Variants in NEBL observed in about 807,000 individuals in gnomAD.
NEBL encodes nebulette.
A neutral mutation model predicts 140.2 loss-of-function variants in NEBL; 122 were observed. That is an observed-to-expected ratio of 0.87 (90% CI 0.75 to 1.01). The LOEUF is 1.01. Among genes scored for constraint, NEBL ranks in the 50% least tolerant of loss-of-function variants. The pLI is 0.00. For missense variants in NEBL, 1,365 were observed against 1,231.3 expected (o/e 1.11, Z -1.62); for synonymous variants, 436 against 398.9 (o/e 1.09, Z -1.11).
intron 24 of NEBL, among the ~76,000 whole-genome samples, chr10:20,811,702 A>AATT (rs1367584554): frequency 6.6e-6 from 1 of 152,228 alleles, no homozygotes; most frequent in African/African-American, 2.4e-5. Flanking sequence ...TTATCTCTAA[A>AATT]TGGCCTTTCA....
intron 3 of NEBL, among the ~76,000 whole-genome samples, chr10:20,981,067 G>A (rs1483359770): frequency 6.6e-6 from 1 of 152,028 alleles, no homozygotes; most frequent in African/African-American, 2.4e-5. Flanking sequence ...AGTGATTATA[G>A]GCATAAGCCA....
chr10:21,070,104 G>A (rs1835749137), intron 2 of NEBL: 2 of 406,222 alleles, frequency 4.9e-6, no homozygotes, highest in Non-Finnish European at 9.9e-6. Context: ...ACTAGTAGCT[G>A]CAGGGGGACT....
intron 3 of NEBL, among the ~76,000 whole-genome samples, chr10:21,208,733 G>A (rs981789197): frequency 6.6e-6 from 1 of 152,114 alleles, no homozygotes; most frequent in African/African-American, 2.4e-5. Context: ...AGCAGGCCTG[G>A]AAGTCACATA....
In NEBL at chr10:20,831,224, G is replaced by A; in HGVS notation, c.1643C>T (p.Ala548Val). 1 of 1,613,252 alleles carries A rather than the reference G, an allele frequency of 6.2e-7. No individual in the cohort carries two copies. Among genetic ancestry groups the A allele is most frequent in the South Asian group, 1.1e-5 (1 of 91,078 alleles). Residue 548 changes from alanine (A) to valine (V), a missense_variant, in exon 16 of 28, where the codon GCC (alanine) becomes GTC (valine). By Grantham distance (64) the Ala-to-Val change is moderately conservative. Coordinates refer to ENST00000377122, the MANE Select transcript of NEBL (RefSeq NM_006393.3). ...GCTATAGATTTCAGATGTCCTCTTGGCTCGAAGGATATCTGGGATATCCAT... is the reference window on the plus strand; with the variant it reads ...GCTATAGATTTCAGATGTCCTCTTGACTCGAAGGATATCTGGGATATCCAT... ...VSMDIPDILR[A>V]KRTSEIYSQR...
chr10:20,818,796 C>T (rs565983373), intron 20 of NEBL: 8 of 988,544 alleles, frequency 8.1e-6, no homozygotes, highest in Non-Finnish European at 9.6e-6. Flanking sequence ...TAAGGTACAG[C>T]AACACAGTCC....
At chr10:21,234,629 T>A (rs1427060022) in intron 3 of NEBL, among the ~76,000 whole-genome samples, 2 of 152,168 alleles carry the variant, frequency 1.3e-5, no homozygotes, top group African/African-American at 4.8e-5. Context: ...AGCAGTGACG[T>A]GCTGTTAATC....
chr10:20,823,381 T>C (rs1013691434), intron 18 of NEBL, 81 bp from the exon 19 acceptor site: 12 of 1,002,764 alleles, frequency 1.2e-5, no homozygotes, highest in Non-Finnish European at 1.8e-5. Context: ...ATTGTAACTA[T>C]TGCATAATTG....
chr10:20,918,618 A>T (rs1214584797), intron 4 of NEBL, among the ~76,000 whole-genome samples: 1 of 151,788 alleles, frequency 6.6e-6, no homozygotes, highest in Admixed American at 6.6e-5. Flanking sequence ...TGGGAGGCCG[A>T]CGGGGGCAGA....
intron 3 of NEBL, among the ~76,000 whole-genome samples, chr10:20,999,162 G>GAAAA (rs1221089029): frequency 7.3e-6 from 1 of 136,176 alleles, no homozygotes. Flanking sequence ...TGTGTGGGGG[G>GAAAA]AAAAAAAAAA....
chr10:21,104,629 G>A (rs928825923), intron 2 of NEBL, among the ~76,000 whole-genome samples: 5 of 151,590 alleles, frequency 3.3e-5, no homozygotes, highest in Non-Finnish European at 5.9e-5. Context: ...TTTTTTTTCA[G>A]ATTCCCTACG....
chr10:21,241,459 C>G (rs2132264668), intron 3 of NEBL, among the ~76,000 whole-genome samples: 1 of 152,220 alleles, frequency 6.6e-6, no homozygotes, highest in East Asian at 1.9e-4. Flanking sequence ...TTCAAGCATT[C>G]CCCTAGAGGG....
chr10:20,815,365 G>A (rs971363340), intron 22 of NEBL, among the ~76,000 whole-genome samples: 9 of 152,280 alleles, frequency 5.9e-5, no homozygotes, highest in South Asian at 2.1e-4. Flanking sequence ...ATCATGAATC[G>A]TTGTTTAAAT....
At chr10:20,905,055 A>G (rs905803150) in intron 4 of NEBL, among the ~76,000 whole-genome samples, 3 of 152,234 alleles carry the variant, frequency 2.0e-5, no homozygotes, top group Admixed American at 2.0e-4. Context: ...ACACATTAAA[A>G]TGGGGAAATA....
chr10:20,995,631 C>A (rs1837638076), intron 3 of NEBL, among the ~76,000 whole-genome samples: 1 of 152,184 alleles, frequency 6.6e-6, no homozygotes. Context: ...CTCCCAACTT[C>A]ACTGCTCTAT....
At chr10:20,928,424 G>C (rs1277608739) in intron 4 of NEBL, among the ~76,000 whole-genome samples, 1 of 152,148 alleles carries the variant, frequency 6.6e-6, no homozygotes, top group South Asian at 2.1e-4. Flanking sequence ...GGCACCACAA[G>C]AGAACTCAGA....
chr10:21,264,401 A>G (rs907205755), intron 1 of NEBL, among the ~76,000 whole-genome samples: 35 of 152,140 alleles, frequency 2.3e-4, no homozygotes, highest in African/African-American at 8.4e-4. Context: ...TGCCTCAGGA[A>G]TGAACTGGGT....
At chr10:20,787,608 A>C (rs921356764) in intron 26 of NEBL, among the ~76,000 whole-genome samples, 1 of 152,176 alleles carries the variant, frequency 6.6e-6, no homozygotes, top group Admixed American at 6.5e-5. Flanking sequence ...ATACTCCCTT[A>C]ATGAAATCAT....
At chr10:20,850,196 A>G (rs1018772424) in intron 11 of NEBL, among the ~76,000 whole-genome samples, 199 bp downstream of exon 11, 1 of 152,198 alleles carries the variant, frequency 6.6e-6, no homozygotes, top group African/African-American at 2.4e-5. Context: ...CAATTCACCA[A>G]TGAGAGAAGC....
At chr10:20,808,036 C>T (rs374314938) in intron 26 of NEBL, among the ~76,000 whole-genome samples, 1 of 149,966 alleles carries the variant, frequency 6.7e-6, no homozygotes, top group Admixed American at 6.6e-5. Flanking sequence ...TTTCTTTTGG[C>T]AAGGTCTAAC....
Sources: gnomAD v4.1 joint callset for allele counts (sites outside exome capture counted in the v4.1 genomes callset) on GRCh38, gnomAD v4.1.1 for gene constraint, MANE v1.5 for transcripts, NCBI Gene and HGNC (gene_info 2026-07-23, HGNC 2026-07-21) for gene names.